The following SCN2A variants were observed in gnomAD, a reference collection of about 807,000 sequenced individuals.
The protein encoded by SCN2A is sodium channel protein type 2 subunit alpha.
SCN2A carries 20 observed loss-of-function variants against 188.7 expected under a neutral mutation model. The observed-to-expected ratio is 0.11, with a 90% CI of 0.07 to 0.15. The LOEUF (loss-of-function observed/expected upper bound fraction) is 0.15. Among genes scored for constraint, SCN2A ranks in the 10% least tolerant of loss-of-function variants. The probability of loss-of-function intolerance (pLI) is 1.00; values close to 1 mark genes in which losing one functional copy is unlikely to be tolerated. For missense variants in SCN2A, 1,278 were observed against 2,445.0 expected (o/e 0.52, Z 10.07); for synonymous variants, 804 against 833.1 (o/e 0.97, Z 0.60).
intron 14 of SCN2A, among the ~76,000 whole-genome samples, chr2:165,331,876 G>C (rs1698701797): frequency 6.6e-6 from 1 of 152,014 alleles, no homozygotes; most frequent in African/African-American, 2.4e-5. Context: ...CCTTAGAATA[G>C]GTTCTTTAGG....
At chr2:165,288,634 G>GT (rs1332269008) in intron 1 of SCN2A, among the ~76,000 whole-genome samples, 1 of 151,400 alleles carries the variant, frequency 6.6e-6, no homozygotes, top group African/African-American at 2.4e-5. Flanking sequence ...AGAAAAACAC[G>GT]TAAGTCTGGT....
Position 165,389,977 on chromosome 2 carries a change from ACC to A in SCN2A, c.*154_*155del. ...GGTCAGTGCCTATAACAAGACAGAG[ACC>A]TCTGGTCAGCAAACTGGAACTCAGT... On this transcript the variant is annotated 3_prime_UTR_variant, in exon 27 of 27. Coordinates refer to ENST00000375437, the MANE Select transcript of SCN2A (RefSeq NM_001040142.2). The surrounding 1 kb of genome is among the most constrained non-coding windows in gnomAD (Gnocchi z 4.2). The A allele has an allele frequency of 7.8e-7, 1 of 1,289,144 alleles. No individual in the cohort carries two copies. Among genetic ancestry groups the A allele is most frequent in the Non-Finnish European group, 1.0e-6 (1 of 964,472 alleles). 79.9% of individuals were successfully genotyped at this position (1,289,144 alleles called of 1,614,324 possible). A position where few individuals can be genotyped will look rare whatever the true frequency, so the allele number is the denominator to read the frequency against.
At chr2:165,295,692 T>G in intron 1 of SCN2A, 81 bp from the exon 2 acceptor site, 1 of 1,300,202 alleles carries the variant, frequency 7.7e-7, no homozygotes, top group Non-Finnish European at 1.1e-6. Context: ...ATGCTGTATC[T>G]CAGTGCTCAG....
rs1032656696 is a variant in SCN2A at position 165,268,985 on chromosome 2, C to T, written c.-51-26788C>T. ...GTAGAATGGTGGTTACCAGGGGCTACTGGGTAGGGCTGTAGGGGTGGAGGA... is the reference window on the plus strand; with the variant it reads ...GTAGAATGGTGGTTACCAGGGGCTATTGGGTAGGGCTGTAGGGGTGGAGGA... On this transcript the variant is annotated intron_variant, in intron 1 of 26. Coordinates refer to ENST00000375437, the MANE Select transcript of SCN2A (RefSeq NM_001040142.2). 3 of 151,808 alleles carry T rather than the reference C, an allele frequency of 2.0e-5. No homozygotes were observed. In the East Asian group the frequency reaches 5.8e-4, roughly 29 times the overall value. The allele number at this position is 151,808 out of a possible 1,614,324, so 9.4% of individuals were successfully genotyped here.
At chr2:165,256,003 T>TC (rs1484760362) in intron 1 of SCN2A, among the ~76,000 whole-genome samples, 2 of 138,424 alleles carry the variant, frequency 1.4e-5, no homozygotes, top group African/African-American at 2.7e-5. Flanking sequence ...CTCTTTTCTT[T>TC]TTTTTTTTTT....
intron 1 of SCN2A, among the ~76,000 whole-genome samples, chr2:165,255,953 T>G (rs1694297660): frequency 6.6e-6 from 1 of 151,046 alleles, no homozygotes; most frequent in South Asian, 2.1e-4. Flanking sequence ...CTTTATCCTT[T>G]GACCTTCTCT....
At chr2:165,291,426 G>GTT (rs1696131775) in intron 1 of SCN2A, among the ~76,000 whole-genome samples, 1 of 87,044 alleles carries the variant, frequency 1.1e-5, no homozygotes, top group African/African-American at 4.3e-5. Flanking sequence ...CTCCCTGTCT[G>GTT]TCTTTCTTTC....
At position 165,296,058 on chromosome 2, in the gene SCN2A, G is replaced by C. The variant is rs1402926276; in HGVS notation, c.235G>C (p.Glu79Gln). 3.7e-6 allele frequency: 6 copies of C among 1,613,822 alleles called. No individual in the cohort carries two copies. The highest frequency in any genetic ancestry group is 3.3e-5 in the South Asian group (3 of 91,064). Residue 79 changes from glutamate (E) to glutamine (Q), a missense_variant, in exon 2 of 27, where the codon GAG becomes CAG. Transcript: ENST00000375437. ...TCCAGAGATGGTGTCAGTGCCCCTG[G>C]AGGATCTGGACCCCTACTATATCAA... The part of the protein sequence containing the change: ...IPPEMVSVPL[E>Q]DLDPYYINKK...
At chr2:165,359,732 C>G (rs544058218) in intron 17 of SCN2A, among the ~76,000 whole-genome samples, 4 of 151,984 alleles carry the variant, frequency 2.6e-5, no homozygotes, top group African/African-American at 9.6e-5. Context: ...GGAAAGTTTT[C>G]CAGTGGGATA....
At chr2:165,276,664 C>T (rs1234078778) in intron 1 of SCN2A, among the ~76,000 whole-genome samples, 1 of 152,112 alleles carries the variant, frequency 6.6e-6, no homozygotes. Context: ...TGTACAAATG[C>T]AGGTTAGGCC....
rs1355724808 is a variant in SCN2A at position 165,265,468 on chromosome 2, GATCTATATATAT to G, written c.-52+25831_-52+25842del. Among the ~76,000 whole-genome samples, 26 of 19,780 alleles carry G rather than the reference GATCTATATATAT, an allele frequency of 1.3e-3. 1 individual carries two copies. Among genetic ancestry groups the G allele is most frequent in the African/African-American group, 1.7e-3 (10 of 5,786 alleles). 13.0% of individuals were successfully genotyped at this position (19,780 alleles called of 152,430 possible). On this transcript the variant is annotated intron_variant, in intron 1 of 26. Coordinates refer to ENST00000375437, the MANE Select transcript of SCN2A (RefSeq NM_001040142.2). ...CTCTAGGTTATGTGTTTACTCTGTT[GATCTATATATAT>G]ATATATATATATATATATATATATA...
At chr2:165,382,644 A>T (rs968204550) in intron 25 of SCN2A, among the ~76,000 whole-genome samples, 2 of 152,108 alleles carry the variant, frequency 1.3e-5, no homozygotes, top group African/African-American at 2.4e-5. Flanking sequence ...AAGAGGGAGG[A>T]TATGTAAATA....
chr2:165,347,809 G>A (rs1044810555), intron 16 of SCN2A, among the ~76,000 whole-genome samples: 5 of 152,136 alleles, frequency 3.3e-5, no homozygotes, highest in Non-Finnish European at 7.3e-5. Context: ...ACAATAGGAA[G>A]GTTGATCAGG....
intron 1 of SCN2A, among the ~76,000 whole-genome samples, chr2:165,274,653 C>T (rs939727779): frequency 1.8e-4 from 28 of 152,142 alleles, no homozygotes; most frequent in Non-Finnish European, 3.2e-4. Context: ...AAACAGAATC[C>T]CTTTTCTAAT....
chr2:165,359,775 C>G (rs1700364028), intron 17 of SCN2A, among the ~76,000 whole-genome samples: 1 of 151,934 alleles, frequency 6.6e-6, no homozygotes, highest in African/African-American at 2.4e-5. Context: ...CCCAAAATAT[C>G]TTTAATATAA....
intron 1 of SCN2A, among the ~76,000 whole-genome samples, chr2:165,242,214 G>A (rs1693654809): frequency 2.6e-5 from 4 of 152,172 alleles, no homozygotes; most frequent in Admixed American, 2.6e-4. Context: ...TCTGCATGCA[G>A]TTGTGGGACA....
At chr2:165,331,090 G>T (rs533362877) in intron 13 of SCN2A, among the ~76,000 whole-genome samples, 1 of 152,200 alleles carries the variant, frequency 6.6e-6, no homozygotes, top group African/African-American at 2.4e-5. Flanking sequence ...GTTTAGTGTT[G>T]CCAATAGAAT....
intron 14 of SCN2A, among the ~76,000 whole-genome samples, chr2:165,335,090 T>A (rs1312926493): frequency 6.6e-6 from 1 of 151,718 alleles, no homozygotes; most frequent in African/African-American, 2.4e-5. Context: ...TATAAAATAT[T>A]GTTGAAAGAA....
intron 17 of SCN2A, among the ~76,000 whole-genome samples, chr2:165,363,667 A>G (rs1036172643): frequency 6.6e-6 from 1 of 152,162 alleles, no homozygotes; most frequent in African/African-American, 2.4e-5. Context: ...TCTGAGAACA[A>G]ATATATTCAA....
Sources: gnomAD v4.1 joint callset for allele counts (sites outside exome capture counted in the v4.1 genomes callset) on GRCh38, gnomAD v4.1.1 for gene constraint, Gnocchi (gnomAD v3.1) non-coding constraint, MANE v1.5 for transcripts, NCBI Gene and HGNC (gene_info 2026-07-23, HGNC 2026-07-21) for gene names.